SMC5: variants seen among roughly 807,000 people sequenced by gnomAD.
SMC5 encodes structural maintenance of chromosomes protein 5.
In SMC5, 88 loss-of-function variants were observed where a neutral mutation model predicts 148.3. That is an observed-to-expected ratio of 0.59 (90% confidence interval 0.50 to 0.71). SMC5 has a LOEUF of 0.71. Among genes scored for constraint, SMC5 ranks in the 30% least tolerant of loss-of-function variants. The pLI is 0.00. For missense variants in SMC5, 1,142 were observed against 1,298.9 expected (o/e 0.88, Z 1.86); for synonymous variants, 421 against 432.8 (o/e 0.97, Z 0.34).
intron 8 of SMC5, among the ~76,000 whole-genome samples, chr9:70,288,711 A>G (rs1396701276): frequency 6.6e-6 from 1 of 152,140 alleles, no homozygotes; most frequent in East Asian, 1.9e-4. Context: ...GAGGTTACCT[A>G]GCAGTTCTTA....
intron 4 of SMC5, 120 bp downstream of exon 4, chr9:70,277,592 T>C: frequency 1.4e-6 from 1 of 721,118 alleles, no homozygotes; most frequent in Admixed American, 3.8e-5. Flanking sequence ...TTACAGTTCT[T>C]TGTAAAGGTA....
intron 13 of SMC5, 72 bp downstream of exon 13, chr9:70,315,650 G>T: frequency 7.8e-7 from 1 of 1,287,062 alleles, no homozygotes; most frequent in African/African-American, 1.5e-5. Context: ...CTTAGCTAAA[G>T]GCAAGCAAAA....
intron 18 of SMC5, chr9:70,344,596 A>T (rs1421297693): frequency 6.6e-6 from 1 of 152,640 alleles, no homozygotes; most frequent in Non-Finnish European, 1.5e-5. Context: ...TAAAGGGAAA[A>T]TGAAAATGTT....
intron 8 of SMC5, among the ~76,000 whole-genome samples, chr9:70,288,526 G>A (rs746766378): frequency 1.3e-4 from 20 of 151,372 alleles, no homozygotes; most frequent in African/African-American, 2.7e-4. Context: ...ATTTTTTAAC[G>A]TTCTTGAATT....
chr9:70,329,944 G>A (rs577446610), intron 17 of SMC5, among the ~76,000 whole-genome samples: 2 of 152,164 alleles, frequency 1.3e-5, no homozygotes, highest in Non-Finnish European at 2.9e-5. Context: ...TACCATGGCG[G>A]TGAGAGAGAA....
intron 8 of SMC5, among the ~76,000 whole-genome samples, chr9:70,290,998 GT>G (rs1414830200): frequency 2.0e-5 from 3 of 152,126 alleles, no homozygotes; most frequent in Non-Finnish European, 4.4e-5. Context: ...ACAAGTTTTT[GT>G]TGAAACTGAA....
chr9:70,307,732 G>C (rs1659035038), intron 11 of SMC5, among the ~76,000 whole-genome samples: 1 of 152,018 alleles, frequency 6.6e-6, no homozygotes, highest in Non-Finnish European at 1.5e-5. Context: ...TCGAACTCCT[G>C]ACCTCAAGTG....
chr9:70,300,101 G>A lies in SMC5; in HGVS notation c.1365G>A (p.Lys455=). 1.2e-6 allele frequency: 2 copies of A among 1,603,346 alleles called. 1 individual carries two copies. Residue 455 remains lysine, a synonymous_variant, in exon 10 of 25, where the codon AAG becomes AAA. Transcript: ENST00000361138. ...ATCTTATGAATCAGAAGGAAGATAA[G>A]CTAAGACAGAGATTCCGTGACACGT... ...FDNLMNQKED[K]LRQRFRDTYD...
chr9:70,275,993 TTGTG>T (rs1265044055), intron 3 of SMC5, among the ~76,000 whole-genome samples: 4 of 151,832 alleles, frequency 2.6e-5, no homozygotes, highest in Non-Finnish European at 5.9e-5. Context: ...CTTTGTCTTC[TTGTG>T]TGTGTGTTTG....
intron 8 of SMC5, among the ~76,000 whole-genome samples, chr9:70,293,318 T>A (rs1407438333): frequency 6.6e-6 from 1 of 151,980 alleles, no homozygotes; most frequent in Non-Finnish European, 1.5e-5. Context: ...TTCCTGATAC[T>A]GGCAATTCCC....
Position 70,352,313 on chromosome 9 carries a change from A to T in SMC5, c.3288A>T (p.Thr1096=), listed in dbSNP as rs771975491. The change falls in exon 25 of 25, where the codon ACA becomes ACT. Residue 1096 remains threonine, a synonymous_variant. Transcript: ENST00000361138. The part of the protein sequence containing the change: ...KAFQRRRRRI[T]FTQPS The stretch of plus-strand genomic sequence containing the variant: ...TCCAAAGGCGGCGGCGCCGTATTAC[A>T]TTCACTCAACCTTCTTAATAAAAGT... The T allele has an allele frequency of 6.2e-7, 1 of 1,604,558 alleles. No individual in the cohort carries two copies. Among genetic ancestry groups the T allele is most frequent in the Non-Finnish European group, 8.5e-7 (1 of 1,176,638 alleles).
chr9:70,315,575 A>G lies in SMC5; in HGVS notation c.1803A>G (p.Glu601=), dbSNP rs776829074. 1 of 1,572,846 alleles carries G rather than the reference A, an allele frequency of 6.4e-7. No homozygotes were observed. Among genetic ancestry groups the G allele is most frequent in the Non-Finnish European group, 8.6e-7 (1 of 1,159,084 alleles). ...VGTEKTRERI[E]RVIQETRLKQ... is the part of the protein sequence containing the mutation. ...CTGAAAAGACCAGAGAAAGAATTGAACGGGTAGGAAAGTAGTGAATCATGT... is the reference window on the plus strand; with the variant it reads ...CTGAAAAGACCAGAGAAAGAATTGAGCGGGTAGGAAAGTAGTGAATCATGT... Residue 601 remains glutamate, a synonymous_variant, in exon 13 of 25, where the codon GAA becomes GAG. Transcript: ENST00000361138.
Position 70,259,014 on chromosome 9 carries a change from G to T in SMC5, c.-65G>T, listed in dbSNP as rs1228422122. 6.7e-7 allele frequency: 1 copy of T among 1,499,630 alleles called. No individual in the cohort carries two copies. The highest frequency in any genetic ancestry group is 8.9e-7 in the Non-Finnish European group (1 of 1,123,078). 92.9% of individuals were successfully genotyped at this position (1,499,630 alleles called of 1,614,324 possible). A position where few individuals can be genotyped will look rare whatever the true frequency, so the allele number is the denominator to read the frequency against. ...GAGCGGGGCGCCTGGGTGGATGGGCGCTTGGGCGCCTGGGCTGCCGGACGG... is the reference window on the plus strand; with the variant it reads ...GAGCGGGGCGCCTGGGTGGATGGGCTCTTGGGCGCCTGGGCTGCCGGACGG... On this transcript the variant is annotated 5_prime_UTR_variant, in exon 1 of 25. Transcript: ENST00000361138.
intron 4 of SMC5, among the ~76,000 whole-genome samples, chr9:70,277,885 G>A (rs1204627688): frequency 6.6e-6 from 1 of 151,706 alleles, no homozygotes; most frequent in African/African-American, 2.4e-5. Context: ...CTAAAATCTT[G>A]TTATAGTTTA....
intron 10 of SMC5, among the ~76,000 whole-genome samples, chr9:70,301,170 A>T (rs1159565112): frequency 6.6e-6 from 1 of 152,188 alleles, no homozygotes; most frequent in Non-Finnish European, 1.5e-5. Context: ...GAAAGAAAGT[A>T]TAAGAAAAAA....
At chr9:70,312,319 C>G (rs1260024633) in intron 11 of SMC5, among the ~76,000 whole-genome samples, 3 of 152,010 alleles carry the variant, frequency 2.0e-5, no homozygotes, top group African/African-American at 7.2e-5. Flanking sequence ...CTGCAACAGA[C>G]TTTTAAACCA....
In SMC5 at chr9:70,353,992, A is replaced by G. The variant is rs1351529742; in HGVS notation, c.*1661A>G. 2.6e-5 allele frequency: 4 copies of G among 152,228 alleles called. No individual in the cohort carries two copies. The highest frequency in any genetic ancestry group is 9.6e-5 in the African/African-American group (4 of 41,460). The allele number at this position is 152,228 out of a possible 1,614,324, so 9.4% of individuals were successfully genotyped here. A position where few individuals can be genotyped will look rare whatever the true frequency, so the allele number is the denominator to read the frequency against. On this transcript the variant is annotated 3_prime_UTR_variant, in exon 25 of 25. Transcript: ENST00000361138. ...GTATCAATGTGAAAAAGACACGTGA[A>G]GATTAAGCATGTTTGAAAATAAAAT...
chr9:70,267,807 A>C, intron 2 of SMC5, 116 bp from the exon 3 acceptor site: 1 of 815,422 alleles, frequency 1.2e-6, no homozygotes, highest in Non-Finnish European at 2.0e-6. Flanking sequence ...AGGAGCGAAC[A>C]TACAAGTGGT....
At chr9:70,285,086 G>A (rs1239133663) in intron 7 of SMC5, among the ~76,000 whole-genome samples, 1 of 152,120 alleles carries the variant, frequency 6.6e-6, no homozygotes, top group East Asian at 1.9e-4. Context: ...TAGCATGTAT[G>A]ATTTAAGCAT....
Sources: allele counts gnomAD v4.1 joint callset (sites outside exome capture counted in the v4.1 genomes callset), GRCh38; gene constraint gnomAD v4.1.1; transcripts MANE v1.5; gene names NCBI Gene and HGNC (gene_info 2026-07-23, HGNC 2026-07-21).